The following CSMD2 variants were observed in gnomAD, a reference collection of about 807,000 sequenced individuals.
CSMD2 encodes CUB and Sushi multiple domains 2, also known as CUB and sushi domain-containing protein 2.
Under a neutral mutation model 398.5 loss-of-function variants are expected in CSMD2, and 130 were observed. The observed-to-expected ratio is 0.33, with a 90% CI of 0.28 to 0.38. The LOEUF is 0.38. Ranked by LOEUF, CSMD2 falls within the 10% of genes least tolerant of loss-of-function variation. CSMD2 has a pLI of 1.00. For synonymous variants in CSMD2, 1,828 were observed against 1,908.5 expected (o/e 0.96, Z 1.10); for missense variants, 3,829 against 4,764.9 (o/e 0.80, Z 5.78).
chr1:33,985,781 T>C lies in CSMD2; in HGVS notation c.517+46813A>G, dbSNP rs571854417. 2.6e-5 allele frequency among the ~76,000 whole-genome samples: 4 copies of C among 152,262 alleles called. No homozygotes were observed. In the South Asian group the frequency reaches 8.3e-4, roughly 32 times the overall value. On this transcript the variant is annotated intron_variant, in intron 3 of 70. Transcript: ENST00000373381. ...GCACTGCCAAGCTTAGTCCTGCTGG[T>C]ACAAACCTGTGCTCCCTTTCAAGCC...
intron 2 of CSMD2, among the ~76,000 whole-genome samples, chr1:34,064,047 C>T (rs1329525207): frequency 6.6e-6 from 1 of 152,186 alleles, no homozygotes; most frequent in African/African-American, 2.4e-5. Flanking sequence ...GCACCAAGTC[C>T]CTAGGCTGCA....
At chr1:33,647,954 C>T (rs145326514) in intron 28 of CSMD2, among the ~76,000 whole-genome samples, 7 of 152,300 alleles carry the variant, frequency 4.6e-5, no homozygotes, top group African/African-American at 1.7e-4. Context: ...AAAGCCAACA[C>T]CATAGACATC....
chr1:33,539,824 G>C (rs528508260), intron 60 of CSMD2, among the ~76,000 whole-genome samples: 10 of 152,300 alleles, frequency 6.6e-5, no homozygotes, highest in African/African-American at 1.9e-4. Flanking sequence ...GTCCAGTTTT[G>C]AGCTGCTGGC....
intron 53 of CSMD2, 36 bp downstream of exon 53, chr1:33,567,557 A>G: frequency 6.2e-7 from 1 of 1,608,838 alleles, no homozygotes; most frequent in Non-Finnish European, 8.5e-7. Context: ...GTTGAATCTG[A>G]GCCCCATGAC....
intron 13 of CSMD2, among the ~76,000 whole-genome samples, chr1:33,752,811 A>G (rs2149277484): frequency 6.6e-6 from 1 of 152,362 alleles, no homozygotes; most frequent in Non-Finnish European, 1.5e-5. Context: ...TCTTAGATGG[A>G]AATGAGGAAC....
chr1:33,963,233 A>G (rs1645431191), intron 3 of CSMD2, among the ~76,000 whole-genome samples: 1 of 152,064 alleles, frequency 6.6e-6, no homozygotes, highest in South Asian at 2.1e-4. Flanking sequence ...CAGTCTCCTC[A>G]CTGCATCTGC....
chr1:33,729,266 C>T (rs1646642878), intron 15 of CSMD2, among the ~76,000 whole-genome samples: 1 of 152,226 alleles, frequency 6.6e-6, no homozygotes, highest in South Asian at 2.1e-4. Context: ...CAATCCCTTC[C>T]TTTGGCGGTC....
chr1:34,011,794 T>C (rs1017352751), intron 3 of CSMD2, among the ~76,000 whole-genome samples: 1 of 152,174 alleles, frequency 6.6e-6, no homozygotes, highest in Admixed American at 6.5e-5. Flanking sequence ...GTTACCCTGT[T>C]GGGGTATCAA....
At position 33,930,192 on chromosome 1, in the gene CSMD2, G is replaced by C. The variant is rs997897576; in HGVS notation, c.712+5568C>G. On this transcript the variant is annotated intron_variant, in intron 4 of 70. Transcript: ENST00000373381. ...TGGCTGGCTCATAACAGGCACTCAA[G>C]AGAAAGTTGTTGAGTAGCCAAGTGA... Among the ~76,000 whole-genome samples, 4 of 152,208 alleles carry C rather than the reference G, an allele frequency of 2.6e-5. No homozygotes were observed. The East Asian group carries it at 7.7e-4, about 29-fold the overall frequency.
At position 33,559,315 on chromosome 1, in the gene CSMD2, G is replaced by A. The variant is rs1398607723; in HGVS notation, c.8539C>T (p.Leu2847=). 4 of 1,535,350 alleles carry A rather than the reference G, an allele frequency of 2.6e-6. No individual in the cohort carries two copies. The Admixed American group carries it at 7.8e-5, about 30-fold the overall frequency. Residue 2847 remains leucine, a synonymous_variant, in exon 54 of 71, where the codon CTG becomes TTG. Transcript: ENST00000373381. The surrounding 1 kb of genome is among the most constrained non-coding windows in gnomAD (Gnocchi z 4.0). ...GGTGACTCACTTCTGCAGGTGGGCA[G>A]CATGTCACTCCATTGCCCGCTGGCC... is the stretch of plus-strand genomic sequence containing the variant. ...CLASGQWSDM[L]PTCRIINCTD...
chr1:34,055,509 C>T (rs944676299), intron 2 of CSMD2, among the ~76,000 whole-genome samples: 1 of 152,084 alleles, frequency 6.6e-6, no homozygotes, highest in Non-Finnish European at 1.5e-5. Context: ...TTCCCAGGAC[C>T]CCCTCCCCCA....
In CSMD2 at chr1:33,691,077, C is replaced by T. The variant is rs571994080; in HGVS notation, c.4052+1853G>A. Among the ~76,000 whole-genome samples the T allele has an allele frequency of 5.3e-5, 8 of 152,168 alleles. No homozygotes were observed. In the South Asian group the frequency reaches 8.3e-4, roughly 16 times the overall value. Reference sequence around the variant, plus strand: ...ATGTAAGCCTTTGGAGGGAGGAGGGCGTTCCAGAGGAAGGGCAGAGTAGAA... The same window carrying T: ...ATGTAAGCCTTTGGAGGGAGGAGGGTGTTCCAGAGGAAGGGCAGAGTAGAA... On this transcript the variant is annotated intron_variant, in intron 25 of 70. Coordinates refer to ENST00000373381, the MANE Select transcript of CSMD2 (RefSeq NM_001281956.2).
At chr1:34,131,729 T>C (rs1165341214) in intron 1 of CSMD2, among the ~76,000 whole-genome samples, 1 of 152,134 alleles carries the variant, frequency 6.6e-6, no homozygotes, top group Non-Finnish European at 1.5e-5. Context: ...TGATCAGGCA[T>C]AAAATTTCCT....
chr1:33,851,512 C>T lies in CSMD2; in HGVS notation c.921-4516G>A, dbSNP rs530662739. Reference sequence around the variant, plus strand: ...CTTATCCCCACTCCCAAGCCCTCTTCCCTTCCCACCTGTCACCTGCTTTCC... The same window carrying T: ...CTTATCCCCACTCCCAAGCCCTCTTTCCTTCCCACCTGTCACCTGCTTTCC... On this transcript the variant is annotated intron_variant, in intron 5 of 70. Transcript: ENST00000373381. 1.2e-4 allele frequency among the ~76,000 whole-genome samples: 19 copies of T among 152,298 alleles called. No homozygotes were observed. In the South Asian group the frequency reaches 2.9e-3, roughly 23 times the overall value.
At chr1:33,787,050 T>A (rs896433687) in intron 12 of CSMD2, among the ~76,000 whole-genome samples, 5 of 152,138 alleles carry the variant, frequency 3.3e-5, no homozygotes, top group Admixed American at 2.0e-4. Flanking sequence ...GGTGTCCTTA[T>A]AAGAAGAGGA....
intron 3 of CSMD2, among the ~76,000 whole-genome samples, chr1:34,021,637 A>C (rs1282709792): frequency 1.3e-5 from 2 of 152,196 alleles, no homozygotes; most frequent in African/African-American, 2.4e-5. Flanking sequence ...TTATCAGCTA[A>C]AGACCTGTGC....
At chr1:33,574,217 A>G (rs1026912140) in intron 49 of CSMD2, among the ~76,000 whole-genome samples, 2 of 152,192 alleles carry the variant, frequency 1.3e-5, no homozygotes, top group Non-Finnish European at 2.9e-5. Context: ...TGAGATATGA[A>G]AAATGACAGA....
Position 33,818,076 on chromosome 1 carries a change from A to T in CSMD2, c.1324+1637T>A, listed in dbSNP as rs187709285. 9.8e-5 allele frequency among the ~76,000 whole-genome samples: 15 copies of T among 152,344 alleles called. No homozygotes were observed. The East Asian group carries it at 2.9e-3, about 29-fold the overall frequency. On this transcript the variant is annotated intron_variant, in intron 9 of 70. Transcript: ENST00000373381. ...ATCATCATCTCTTGAGAACTAAGAG[A>T]ACAACCTTCCTCTAGTGAAAAGGTC...
chr1:33,579,561 C>T (rs569687989), intron 48 of CSMD2, among the ~76,000 whole-genome samples: 16 of 152,212 alleles, frequency 1.1e-4, no homozygotes, highest in African/African-American at 3.6e-4. Flanking sequence ...TAAGACTGTC[C>T]ACCCACTGAG....
Sources: gnomAD v4.1 joint callset for allele counts (sites outside exome capture counted in the v4.1 genomes callset) on GRCh38, gnomAD v4.1.1 for gene constraint, Gnocchi (gnomAD v3.1) non-coding constraint, MANE v1.5 for transcripts, NCBI Gene and HGNC (gene_info 2026-07-23, HGNC 2026-07-21) for gene names.